The following BORCS5 variants were observed in gnomAD, a reference collection of about 807,000 sequenced individuals.
BORCS5 encodes BLOC-1 related complex subunit 5.
A neutral mutation model predicts 22.1 loss-of-function variants in BORCS5; 17 were observed. The ratio of observed to expected loss-of-function variants is 0.77; its 90% CI spans 0.53 to 1.15. The LOEUF (loss-of-function observed/expected upper bound fraction) is 1.15. Ranked by LOEUF, BORCS5 falls within the 50% of genes most tolerant of loss-of-function variation. The probability of loss-of-function intolerance (pLI) is 0.00; values close to 1 mark genes in which losing one functional copy is unlikely to be tolerated. For missense variants in BORCS5, 247 were observed against 253.2 expected (o/e 0.98, Z 0.17); for synonymous variants, 117 against 99.8 (o/e 1.17, Z -1.03).
intron 2 of BORCS5, among the ~76,000 whole-genome samples, chr12:12,384,036 C>T (rs1044651728): frequency 1.3e-5 from 2 of 151,078 alleles, no homozygotes; most frequent in Non-Finnish European, 3.0e-5. Flanking sequence ...TCCTGCCATC[C>T]CCAAATTGCT....
chr12:12,374,577 G>A (rs115186670), intron 2 of BORCS5, among the ~76,000 whole-genome samples: 174 of 151,952 alleles, frequency 1.1e-3, no homozygotes, highest in East Asian at 5.4e-3. Flanking sequence ...GAGGTCGAGC[G>A]GTGTTCATAG....
At chr12:12,392,778 A>T (rs1941229666) in intron 2 of BORCS5, among the ~76,000 whole-genome samples, 1 of 152,070 alleles carries the variant, frequency 6.6e-6, no homozygotes, top group Non-Finnish European at 1.5e-5. Flanking sequence ...ACCTCCCAAT[A>T]ATTTCTGTCC....
intron 2 of BORCS5, among the ~76,000 whole-genome samples, chr12:12,415,291 A>C (rs1449050091): frequency 2.0e-5 from 3 of 150,472 alleles, no homozygotes; most frequent in Admixed American, 6.6e-5. Flanking sequence ...CTCCGTCTGC[A>C]ATCCCGGCAC....
chr12:12,453,627 G>T (rs912091503), intron 3 of BORCS5, among the ~76,000 whole-genome samples: 3 of 152,022 alleles, frequency 2.0e-5, no homozygotes, highest in Non-Finnish European at 4.4e-5. Context: ...ATCTGTCGGG[G>T]GTCTGGGAGA....
Position 12,429,307 on chromosome 12 carries a change from A to T in BORCS5, c.203-6321A>T, listed in dbSNP as rs550385244. Among the ~76,000 whole-genome samples, 4 of 152,300 alleles carry T rather than the reference A, an allele frequency of 2.6e-5. No homozygotes were observed. The South Asian group carries it at 6.2e-4, about 24-fold the overall frequency. On this transcript the variant is annotated intron_variant, in intron 2 of 3. Transcript: ENST00000314565. Reference sequence around the variant, plus strand: ...TACGAGAGGGAGATGGTTTCCTGGCACAAGAGGGTGATGGGAAAACATTGT... The same window carrying T: ...TACGAGAGGGAGATGGTTTCCTGGCTCAAGAGGGTGATGGGAAAACATTGT...
intron 2 of BORCS5, among the ~76,000 whole-genome samples, 188 bp downstream of exon 2, chr12:12,361,537 T>C (rs1863287059): frequency 1.3e-5 from 2 of 152,228 alleles, no homozygotes; most frequent in African/African-American, 4.8e-5. Context: ...CTACCTGTTT[T>C]TCTCTATAGC....
At chr12:12,457,092 T>G (rs1021163308) in intron 3 of BORCS5, among the ~76,000 whole-genome samples, 6 of 152,242 alleles carry the variant, frequency 3.9e-5, no homozygotes, top group Non-Finnish European at 8.8e-5. Flanking sequence ...AGTTTCTGTT[T>G]CAGTTCACAT....
intron 2 of BORCS5, among the ~76,000 whole-genome samples, chr12:12,394,053 C>T (rs191160198): frequency 4.6e-5 from 7 of 151,866 alleles, no homozygotes; most frequent in Middle Eastern, 3.4e-3. Context: ...CGGCCGGGTG[C>T]GGTGGCTCAT....
intron 2 of BORCS5, among the ~76,000 whole-genome samples, chr12:12,416,240 T>C (rs1941950409): frequency 6.6e-6 from 1 of 152,064 alleles, no homozygotes; most frequent in Admixed American, 6.5e-5. Flanking sequence ...TAGCAAAAGG[T>C]TTGTCAATTT....
At chr12:12,375,013 T>G (rs1423101468) in intron 2 of BORCS5, among the ~76,000 whole-genome samples, 1 of 151,860 alleles carries the variant, frequency 6.6e-6, no homozygotes, top group African/African-American at 2.4e-5. Context: ...TTTTCTTTTC[T>G]TTTCTTTTTC....
intron 2 of BORCS5, among the ~76,000 whole-genome samples, chr12:12,365,718 A>G (rs927078792): frequency 1.3e-5 from 2 of 152,204 alleles, no homozygotes; most frequent in African/African-American, 4.8e-5. Context: ...AAGTTTAATT[A>G]TGATAATAGT....
intron 2 of BORCS5, among the ~76,000 whole-genome samples, chr12:12,399,353 T>G (rs933812846): frequency 1.3e-5 from 2 of 152,154 alleles, no homozygotes; most frequent in African/African-American, 4.8e-5. Flanking sequence ...TAGCCCACTA[T>G]TGTTCCCCAA....
rs1863319115 is a variant in BORCS5 at position 12,362,773 on chromosome 12, T to G, written c.202+1424T>G. ...TCCTGCCTCAGCCTCCTGAAGTAGCTGTGATTACAGATGCCTGCCACCACG... is the reference window on the plus strand; with the variant it reads ...TCCTGCCTCAGCCTCCTGAAGTAGCGGTGATTACAGATGCCTGCCACCACG... On this transcript the variant is annotated intron_variant, in intron 2 of 3. Transcript: ENST00000314565. 2.0e-5 allele frequency among the ~76,000 whole-genome samples: 3 copies of G among 150,750 alleles called. No individual in the cohort carries two copies. The Admixed American group carries it at 2.0e-4, about 10-fold the overall frequency.
At chr12:12,401,320 T>A (rs1005197513) in intron 2 of BORCS5, among the ~76,000 whole-genome samples, 3 of 152,192 alleles carry the variant, frequency 2.0e-5, no homozygotes, top group Non-Finnish European at 4.4e-5. Flanking sequence ...TAAAACCGGA[T>A]ATTGTCCCAG....
chr12:12,364,960 C>G (rs1863373252), intron 2 of BORCS5, among the ~76,000 whole-genome samples: 1 of 152,226 alleles, frequency 6.6e-6, no homozygotes, highest in Non-Finnish European at 1.5e-5. Flanking sequence ...GAGCAAGACT[C>G]TGTCTCAAAA....
intron 2 of BORCS5, among the ~76,000 whole-genome samples, chr12:12,410,679 C>T (rs1011853262): frequency 1.3e-5 from 2 of 152,096 alleles, no homozygotes; most frequent in African/African-American, 4.8e-5. Flanking sequence ...CAGCTTTGTT[C>T]TTTTGGCTTA....
rs953489243 is a variant in BORCS5 at position 12,389,642 on chromosome 12, G to A, written c.202+28293G>A. Among the ~76,000 whole-genome samples the A allele has an allele frequency of 7.1e-4, 107 of 151,592 alleles. 1 individual carries two copies. Among genetic ancestry groups the A allele is most frequent in the African/African-American group, 4.1e-4 (17 of 41,268 alleles). ...GCCTTTATCTTAAAAAATTTATTTC[G>A]TTTTATGTATTTATTTTTTGAGACA... On this transcript the variant is annotated intron_variant, in intron 2 of 3. Transcript: ENST00000314565.
At chr12:12,410,976 C>G (rs1941718060) in intron 2 of BORCS5, among the ~76,000 whole-genome samples, 1 of 152,036 alleles carries the variant, frequency 6.6e-6, no homozygotes, top group South Asian at 2.1e-4. Context: ...GTATTTTATT[C>G]TCTTTGAAGG....
In BORCS5 at chr12:12,399,307, G is replaced by GA. The variant is rs200122750; in HGVS notation, c.203-36312dup. ...TTTGGAAAAATTGGATGGAGGGAAG[G>GA]AAAAAAAAAGGTGAATTGCAAAAGG... On this transcript the variant is annotated intron_variant, in intron 2 of 3. Coordinates refer to ENST00000314565, the MANE Select transcript of BORCS5 (RefSeq NM_058169.6). Among the ~76,000 whole-genome samples the GA allele has an allele frequency of 2.4e-3, 366 of 150,374 alleles. 2 individuals carry two copies. The highest frequency in any genetic ancestry group is 7.7e-3 in the African/African-American group (315 of 41,004).
Sources: gnomAD v4.1 joint callset for allele counts (sites outside exome capture counted in the v4.1 genomes callset) on GRCh38, gnomAD v4.1.1 for gene constraint, MANE v1.5 for transcripts, NCBI Gene and HGNC (gene_info 2026-07-23, HGNC 2026-07-21) for gene names.